The following PLA2G6 variants were observed in gnomAD, a reference collection of about 807,000 sequenced individuals.
PLA2G6 encodes 85/88 kDa calcium-independent phospholipase A2.
In PLA2G6, 62 loss-of-function variants were observed where a neutral mutation model predicts 83.8. The ratio of observed to expected loss-of-function variants is 0.74; its 90% CI spans 0.60 to 0.91. The LOEUF is 0.91. Ranked by LOEUF, PLA2G6 falls within the 40% of genes least tolerant of loss-of-function variation. The probability of loss-of-function intolerance (pLI) is 0.00; values close to 1 mark genes in which losing one functional copy is unlikely to be tolerated. For missense variants in PLA2G6, 944 were observed against 1,102.0 expected (o/e 0.86, Z 2.03); for synonymous variants, 417 against 449.8 (o/e 0.93, Z 0.92).
intron 2 of PLA2G6, among the ~76,000 whole-genome samples, chr22:38,157,550 C>T (rs2089832330): frequency 6.6e-6 from 1 of 152,104 alleles, no homozygotes; most frequent in Non-Finnish European, 1.5e-5. Context: ...TAATACCAAC[C>T]CTACTCAAAC....
At chr22:38,133,621 C>T (rs1332201017) in intron 6 of PLA2G6, 1 of 153,986 alleles carries the variant, frequency 6.5e-6, no homozygotes, top group African/African-American at 2.4e-5. Flanking sequence ...CGGTGTCCGG[C>T]TCCTGGAATG....
chr22:38,124,966 G>A (rs11570721), intron 10 of PLA2G6, among the ~76,000 whole-genome samples: 2,906 of 152,306 alleles, frequency 0.019, 81 homozygotes, highest in African/African-American at 0.066. Context: ...GGGAGCTACC[G>A]AGGGGTCTCC....
At chr22:38,141,393 C>T (rs966711281) in intron 4 of PLA2G6, 2 of 152,286 alleles carry the variant, frequency 1.3e-5, no homozygotes, top group East Asian at 3.9e-4. Context: ...TACTGTCTCA[C>T]TTTTGGCTCA....
rs1388835511 is a variant in PLA2G6, at chr22:38,148,868, T to C, written c.210-3215A>G. On this transcript the variant is annotated intron_variant, in intron 2 of 16. Coordinates refer to ENST00000332509, the MANE Select transcript of PLA2G6 (RefSeq NM_003560.4). ...AGGCTCTAGATTATTTCTTTTTTTT[T>C]TTTTTTTTTTTTTTTTGAGACGGAG... 11 of 116,010 alleles carry C rather than the reference T, an allele frequency of 9.5e-5. No individual in the cohort carries two copies. The South Asian group carries it at 1.7e-3, about 18-fold the overall frequency. 7.2% of individuals were successfully genotyped at this position (116,010 alleles called of 1,614,324 possible). A position where few individuals can be genotyped will look rare whatever the true frequency, so the allele number is the denominator to read the frequency against.
At chr22:38,180,992 G>T (rs980549455) in intron 1 of PLA2G6, among the ~76,000 whole-genome samples, 7 of 152,170 alleles carry the variant, frequency 4.6e-5, no homozygotes, top group African/African-American at 1.7e-4. Flanking sequence ...GAAGCTAGGG[G>T]GAGGTATTCG....
chr22:38,166,052 CTG>C (rs2090200898), intron 2 of PLA2G6, among the ~76,000 whole-genome samples: 1 of 152,138 alleles, frequency 6.6e-6, no homozygotes, highest in African/African-American at 2.4e-5. Context: ...TGCACAATGA[CTG>C]TGGTCTGGAG....
Position 38,173,728 on chromosome 22 carries a change from AGAGAGGCCCT to A in PLA2G6, c.-45-4267_-45-4258del, listed in dbSNP as rs534638140. ...CTCAGAGATCAAGAAACTGAGGCCC[AGAGAGGCCCT>A]GAATTGTACATGTTCAAAGGGCAAA... On this transcript the variant is annotated intron_variant, in intron 1 of 16. Coordinates refer to ENST00000332509, the MANE Select transcript of PLA2G6 (RefSeq NM_003560.4). Among the ~76,000 whole-genome samples, 36 of 152,252 alleles carry A rather than the reference AGAGAGGCCCT, an allele frequency of 2.4e-4. 1 individual carries two copies. Among genetic ancestry groups the A allele is most frequent in the African/African-American group, 8.4e-4 (35 of 41,556 alleles).
intron 1 of PLA2G6, among the ~76,000 whole-genome samples, chr22:38,170,982 C>G (rs898694317): frequency 1.3e-5 from 2 of 152,066 alleles, no homozygotes; most frequent in Non-Finnish European, 2.9e-5. Flanking sequence ...ACCAGCCTGA[C>G]CAACATGGAG....
At chr22:38,164,135 T>C (rs1185307370) in intron 2 of PLA2G6, among the ~76,000 whole-genome samples, 6 of 152,204 alleles carry the variant, frequency 3.9e-5, no homozygotes, top group Admixed American at 2.0e-4. Context: ...GAAGTATCTA[T>C]GCTATCATAG....
At chr22:38,125,817 T>C in intron 10 of PLA2G6, 1 of 429,578 alleles carries the variant, frequency 2.3e-6, no homozygotes. Context: ...TGGAAACGCA[T>C]TTGTCCTGGT....
In PLA2G6 at chr22:38,148,450, T is replaced by C. The variant is rs73884610; in HGVS notation, c.210-2797A>G. 4.6e-3 allele frequency: 3,256 copies of C among 712,030 alleles called. 65 individuals carry two copies. In the African/African-American group the frequency reaches 0.047, roughly 10 times the overall value. The allele number at this position is 712,030 out of a possible 1,614,324, so 44.1% of individuals were successfully genotyped here. A position where few individuals can be genotyped will look rare whatever the true frequency, so the allele number is the denominator to read the frequency against. ...GCTGGACAAATTATTAAAAAACATCTGCTGGCAGGCACTGGATACCTCAAA... is the reference window on the plus strand; with the variant it reads ...GCTGGACAAATTATTAAAAAACATCCGCTGGCAGGCACTGGATACCTCAAA... On this transcript the variant is annotated intron_variant, in intron 2 of 16. Transcript: ENST00000332509.
chr22:38,133,362 G>A (rs2088343761), intron 6 of PLA2G6: 1 of 350,552 alleles, frequency 2.9e-6, no homozygotes, highest in Non-Finnish European at 5.4e-6. Flanking sequence ...ACCCTGCAAA[G>A]GTATCACCTC....
Position 38,126,363 on chromosome 22 carries a change from C to A in PLA2G6, c.1427+8G>T, listed in dbSNP as rs1306653843. ...TCCCCGCTCTGCCCCCGATCTCGAT[C>A]CACTTACGTCCGCTTCTCGTCCCTC... On this transcript the variant is annotated splice_region_variant and intron_variant, in intron 10 of 16. Transcript: ENST00000332509. 6.2e-7 allele frequency: 1 copy of A among 1,610,042 alleles called. No homozygotes were observed. Among genetic ancestry groups the A allele is most frequent in the Non-Finnish European group, 8.5e-7 (1 of 1,176,582 alleles).
chr22:38,121,720 A>AC (rs1474175975), intron 11 of PLA2G6, among the ~76,000 whole-genome samples: 1 of 152,130 alleles, frequency 6.6e-6, no homozygotes, highest in Non-Finnish European at 1.5e-5. Context: ...GAGTCTCAAG[A>AC]CCCCGGATGG....
intron 14 of PLA2G6, 116 bp from the exon 15 acceptor site, chr22:38,113,770 G>C (rs748467300): frequency 3.2e-6 from 3 of 928,576 alleles, no homozygotes; most frequent in Middle Eastern, 2.1e-4. Flanking sequence ...AACAGGGCAA[G>C]AGGTCTCTGG....
chr22:38,155,420 T>G (rs1453999831), intron 2 of PLA2G6, among the ~76,000 whole-genome samples: 1 of 152,218 alleles, frequency 6.6e-6, no homozygotes, highest in East Asian at 1.9e-4. Flanking sequence ...CACTGTCATA[T>G]GTAGACCACT....
At chr22:38,160,670 C>A (rs1315072525) in intron 2 of PLA2G6, among the ~76,000 whole-genome samples, 1 of 152,102 alleles carries the variant, frequency 6.6e-6, no homozygotes. Context: ...CACGGTGAAA[C>A]CTCGTCTCTA....
Position 38,123,089 on chromosome 22 carries a change from C to G in PLA2G6, c.1591+6G>C. 6.5e-7 allele frequency: 1 copy of G among 1,548,364 alleles called. No individual in the cohort carries two copies. The highest frequency in any genetic ancestry group is 8.7e-7 in the Non-Finnish European group (1 of 1,146,966). On this transcript the variant is annotated splice_donor_region_variant and intron_variant, in intron 11 of 16. Coordinates refer to ENST00000332509, the MANE Select transcript of PLA2G6 (RefSeq NM_003560.4). This position sits in a 1 kb window ranked among gnomAD's most constrained non-coding sequence, Gnocchi z 4.1. ...GCCTGGCCCCATCCCCAGGGGCCGC[C>G]CTCACTGTGCAGAATGGCCAGGGCC...
In PLA2G6 at chr22:38,128,302, C is replaced by T; in HGVS notation, c.1315G>A (p.Ala439Thr). The change falls in exon 9 of 17, where the codon GCT becomes ACT. Residue 439 changes from alanine (A) to threonine (T), a missense_variant. Transcript: ENST00000332509. This position sits in a 1 kb window ranked among gnomAD's most constrained non-coding sequence, Gnocchi z 4.4. ...TTTAGGCTGATCGGTGGGGGCTGAG[C>T]TCTTTCCAGGGAGAAGGGATGATGT... ...APHHPFSLER[A>T]QPPPISLNNL... 1 of 1,612,948 alleles carries T rather than the reference C, an allele frequency of 6.2e-7. No individual in the cohort carries two copies. The highest frequency in any genetic ancestry group is 1.3e-5 in the African/African-American group (1 of 74,994).
Sources: allele counts gnomAD v4.1 joint callset (sites outside exome capture counted in the v4.1 genomes callset), GRCh38; gene constraint gnomAD v4.1.1; non-coding constraint Gnocchi (gnomAD v3.1); transcripts MANE v1.5; gene names NCBI Gene and HGNC (gene_info 2026-07-23, HGNC 2026-07-21).